The following HPCAL4 variants were observed in gnomAD, a reference collection of about 807,000 sequenced individuals.
HPCAL4 encodes hippocalcin-like protein 4.
In HPCAL4, 16 loss-of-function variants were observed where a neutral mutation model predicts 18.2. The observed-to-expected ratio is 0.88, with a 90% confidence interval of 0.59 to 1.33. The LOEUF (loss-of-function observed/expected upper bound fraction) is 1.33, where lower values mean the gene tolerates loss of function less well. HPCAL4 is among the 40% of genes most tolerant of loss of function. HPCAL4 has a pLI of 0.00. For synonymous variants in HPCAL4, 80 were observed against 97.5 expected, an observed-to-expected ratio of 0.82 and a Z score of 1.06; for missense variants, 214 against 256.6, an observed-to-expected ratio of 0.83 and a Z score of 1.14.
chr1:39,687,757 A>G (rs760310096), intron 1 of HPCAL4, among the ~76,000 whole-genome samples: 5 of 152,170 alleles, frequency 3.3e-5, no homozygotes, highest in Admixed American at 6.5e-5. Flanking sequence ...TTTAAAAATT[A>G]GCCAGACATG....
chr1:39,687,412 C>T (rs1165255918), intron 1 of HPCAL4, among the ~76,000 whole-genome samples: 1 of 152,226 alleles, frequency 6.6e-6, no homozygotes, highest in African/African-American at 2.4e-5. Context: ...CTCCAGCTGT[C>T]TTCCGTAGGA....
At chr1:39,685,890 AAAAT>A (rs201303176) in intron 1 of HPCAL4, among the ~76,000 whole-genome samples, 16,594 of 144,996 alleles carry the variant, frequency 0.11, 989 homozygotes, top group South Asian at 0.2. Context: ...AAAAAAAAAA[AAAAT>A]ATATTGGCCG....
intron 1 of HPCAL4, among the ~76,000 whole-genome samples, chr1:39,687,833 G>A (rs1486286118): frequency 1.3e-5 from 2 of 152,030 alleles, no homozygotes; most frequent in African/African-American, 4.8e-5. Context: ...AGCCCAGGAG[G>A]TTGAGGCTGC....
intron 2 of HPCAL4, 144 bp downstream of exon 2, chr1:39,684,298 C>A (rs116713699): frequency 1.9e-6 from 2 of 1,080,414 alleles, no homozygotes; most frequent in Non-Finnish European, 2.6e-6. Flanking sequence ...TCACCTCCCC[C>A]GCACCCCGGG....
intron 1 of HPCAL4, among the ~76,000 whole-genome samples, chr1:39,688,552 C>A (rs1646694925): frequency 6.6e-6 from 1 of 152,132 alleles, no homozygotes; most frequent in Admixed American, 6.5e-5. Flanking sequence ...CAGGAAGTGC[C>A]TTTCTTTTGA....
rs1570473878 is a variant in HPCAL4 at position 39,684,103 on chromosome 1, G to A, written c.212C>T (p.Thr71Ile). ...GGTGCCGTCGCCGTTCTTGTCGAAGGTGCGGAAAGCGTGCTGCGCGAACTT... is the reference window on the plus strand; with the variant it reads ...GGTGCCGTCGCCGTTCTTGTCGAAGATGCGGAAAGCGTGCTGCGCGAACTT... Reference protein sequence around the residue: ...ASKFAQHAFRTFDKNGDGTID... With the variant: ...ASKFAQHAFRIFDKNGDGTID... The change falls in exon 3 of 4, where the codon ACC becomes ATC. Residue 71 changes from threonine to isoleucine, a missense_variant. Coordinates refer to ENST00000372844, the MANE Select transcript of HPCAL4 (RefSeq NM_016257.4). The A allele has an allele frequency of 1.2e-6, 2 of 1,613,938 alleles. No homozygotes were observed. Among genetic ancestry groups the A allele is most frequent in the Non-Finnish European group, 1.7e-6 (2 of 1,179,882 alleles).
chr1:39,688,578 G>A (rs1277415616), intron 1 of HPCAL4, among the ~76,000 whole-genome samples: 1 of 152,124 alleles, frequency 6.6e-6, no homozygotes, highest in Non-Finnish European at 1.5e-5. Flanking sequence ...CTGTTAGGAG[G>A]GAATGGCTTT....
chr1:39,681,276 G>C lies in HPCAL4; in HGVS notation c.*1260C>G, dbSNP rs556897870. ...GCATTTCGTCCATAAATTATGTCTGGGTGCCTAAACAGTGGCCAGGTGAGC... is the reference window on the plus strand; with the variant it reads ...GCATTTCGTCCATAAATTATGTCTGCGTGCCTAAACAGTGGCCAGGTGAGC... On this transcript the variant is annotated 3_prime_UTR_variant, in exon 4 of 4. Transcript: ENST00000372844. 2 of 152,268 alleles carry C rather than the reference G, an allele frequency of 1.3e-5. No individual in the cohort carries two copies. The highest frequency in any genetic ancestry group is 3.9e-4 in the East Asian group (2 of 5,186). 9.4% of individuals were successfully genotyped at this position (152,268 alleles called of 1,614,324 possible).
intron 1 of HPCAL4, among the ~76,000 whole-genome samples, chr1:39,685,608 G>A (rs568828072): frequency 1.3e-5 from 2 of 152,058 alleles, no homozygotes; most frequent in Non-Finnish European, 2.9e-5. Flanking sequence ...GGCCGGGCAC[G>A]GTGGCTCACA....
intron 2 of HPCAL4, 51 bp from the exon 3 acceptor site, chr1:39,684,203 C>A (rs113459798): frequency 7.2e-7 from 1 of 1,380,098 alleles, no homozygotes; most frequent in Non-Finnish European, 9.9e-7. Context: ...GCCCACCCCG[C>A]CCCCATCTCA....
rs552347867 is a variant in HPCAL4 at position 39,684,341 on chromosome 1, G to A, written c.162+101C>T. 2.2e-4 allele frequency: 277 copies of A among 1,269,530 alleles called. 2 individuals carry two copies. The African/African-American group carries it at 4.4e-3, about 20-fold the overall frequency. The allele number at this position is 1,269,530 out of a possible 1,614,324, so 78.6% of individuals were successfully genotyped here. ...CCTCCCCTCCCACCCCGGGTGCCTCGCCTCTTCTCATCCCAGGGTGCCCTG... is the reference window on the plus strand; with the variant it reads ...CCTCCCCTCCCACCCCGGGTGCCTCACCTCTTCTCATCCCAGGGTGCCCTG... On this transcript the variant is annotated intron_variant, in intron 2 of 3. Transcript: ENST00000372844.
chr1:39,686,913 G>A (rs781296753), intron 1 of HPCAL4, among the ~76,000 whole-genome samples: 4 of 151,988 alleles, frequency 2.6e-5, no homozygotes, highest in Non-Finnish European at 5.9e-5. Context: ...CTCTGGAAAA[G>A]GAAGCCCTTG....
chr1:39,688,044 G>C (rs998942813), intron 1 of HPCAL4, among the ~76,000 whole-genome samples: 1 of 152,220 alleles, frequency 6.6e-6, no homozygotes, highest in African/African-American at 2.4e-5. Context: ...AGGTCAGTGG[G>C]AGGGCCCAGA....
rs1169318659 is a variant in HPCAL4 at position 39,680,726 on chromosome 1, C to G, written c.*1810G>C. 1 of 152,160 alleles carries G rather than the reference C, an allele frequency of 6.6e-6. No individual in the cohort carries two copies. Among genetic ancestry groups the G allele is most frequent in the Non-Finnish European group, 1.5e-5 (1 of 68,026 alleles). The allele number at this position is 152,160 out of a possible 1,614,324, so 9.4% of individuals were successfully genotyped here. A position where few individuals can be genotyped will look rare whatever the true frequency, so the allele number is the denominator to read the frequency against. ...AGGATAGCAACCCAGTGGTTGCAAA[C>G]CAGTGGTTGCTATCCCCAGCAAGAG... On this transcript the variant is annotated 3_prime_UTR_variant, in exon 4 of 4. Transcript: ENST00000372844.
At chr1:39,683,379 T>G (rs1156343251) in intron 3 of HPCAL4, among the ~76,000 whole-genome samples, 1 of 152,166 alleles carries the variant, frequency 6.6e-6, no homozygotes, top group Non-Finnish European at 1.5e-5. Context: ...AAGGCCGACC[T>G]GCCTTAATTG....
rs1346884269 is a variant in HPCAL4, at chr1:39,684,511, G to C, written c.93C>G (p.Tyr31Ter). 2 of 1,613,728 alleles carry C rather than the reference G, an allele frequency of 1.2e-6. No homozygotes were observed. The change falls in exon 2 of 4, where the codon TAC (tyrosine) becomes TAG (stop). Residue 31 changes from tyrosine to a stop codon, truncating the protein, a stop_gained. Coordinates refer to ENST00000372844, the MANE Select transcript of HPCAL4 (RefSeq NM_016257.4). LOFTEE classifies it high-confidence loss of function. ...EFSEQELKQW[Y>*]KGFLKDCPSG... ...TGGGGCAGTCCTTCAGGAAGCCCTT[G>C]TACCACTGCTTCAGCTCCTGCTCGC...
At chr1:39,689,101 T>C (rs907418192) in intron 1 of HPCAL4, among the ~76,000 whole-genome samples, 5 of 152,162 alleles carry the variant, frequency 3.3e-5, no homozygotes, top group African/African-American at 4.8e-5. Context: ...CCCTCCAATA[T>C]GCCCCAGTCC....
At chr1:39,682,765 A>AC in intron 3 of HPCAL4, 32 bp from the exon 4 acceptor site, 1 of 1,602,952 alleles carries the variant, frequency 6.2e-7, no homozygotes, top group Non-Finnish European at 8.5e-7. Flanking sequence ...AGGTGTGAAC[A>AC]CCCACAAGGG....
In HPCAL4 at chr1:39,682,524, C is replaced by T; in HGVS notation, c.*12G>A. 6.2e-7 allele frequency: 1 copy of T among 1,614,032 alleles called. No homozygotes were observed. Among genetic ancestry groups the T allele is most frequent in the South Asian group, 1.1e-5 (1 of 91,064 alleles). The stretch of plus-strand genomic sequence containing the variant: ...GCCCCTTCTGGCCAGGGACCCTGCC[C>T]CTCACCAGCTTCTACTTCTGCATGT... On this transcript the variant is annotated 3_prime_UTR_variant, in exon 4 of 4. Transcript: ENST00000372844.
Sources: gnomAD v4.1 joint callset for allele counts (sites outside exome capture counted in the v4.1 genomes callset) on GRCh38, gnomAD v4.1.1 for gene constraint, MANE v1.5 for transcripts, NCBI Gene and HGNC (gene_info 2026-07-23, HGNC 2026-07-21) for gene names.